The following SMAP1 variants were observed in gnomAD, a reference collection of about 807,000 sequenced individuals.
SMAP1 encodes the protein stromal membrane-associated protein 1.
SMAP1 carries 24 observed loss-of-function variants against 58.5 expected under a neutral mutation model. The observed-to-expected ratio is 0.41, with a 90% CI of 0.30 to 0.58. The LOEUF (loss-of-function observed/expected upper bound fraction) is 0.58. SMAP1 is among the 20% of genes least tolerant of loss of function. The probability of loss-of-function intolerance (pLI) is 0.29; values close to 1 mark genes in which losing one functional copy is unlikely to be tolerated. For missense variants in SMAP1, 563 were observed against 566.3 expected (o/e 0.99, Z 0.06); for synonymous variants, 216 against 196.6 (o/e 1.10, Z -0.82).
At chr6:70,692,930 C>A (rs1217050927) in intron 1 of SMAP1, among the ~76,000 whole-genome samples, 1 of 151,830 alleles carries the variant, frequency 6.6e-6, no homozygotes, top group Non-Finnish European at 1.5e-5. Flanking sequence ...ACTACAGGTG[C>A]CCACTACCAT....
chr6:70,825,544 A>T (rs190292532), intron 6 of SMAP1, among the ~76,000 whole-genome samples: 38 of 152,126 alleles, frequency 2.5e-4, no homozygotes, highest in African/African-American at 8.9e-4. Flanking sequence ...TACTGCTTTT[A>T]AAAAAAATCT....
intron 6 of SMAP1, among the ~76,000 whole-genome samples, chr6:70,827,760 C>T (rs1174628136): frequency 6.6e-6 from 1 of 152,170 alleles, no homozygotes; most frequent in Non-Finnish European, 1.5e-5. Flanking sequence ...GATAACTTCT[C>T]CAGCCCAGTG....
At chr6:70,708,177 T>G (rs928981393) in intron 1 of SMAP1, among the ~76,000 whole-genome samples, 1 of 152,224 alleles carries the variant, frequency 6.6e-6, no homozygotes, top group Admixed American at 6.5e-5. Context: ...TTCTGTTTAC[T>G]TTTCTCCCTA....
At chr6:70,700,711 T>TG (rs1426805302) in intron 1 of SMAP1, among the ~76,000 whole-genome samples, 1 of 152,146 alleles carries the variant, frequency 6.6e-6, no homozygotes, top group Non-Finnish European at 1.5e-5. Flanking sequence ...GTGAACATGG[T>TG]GGGTCATGCT....
chr6:70,849,323 T>C (rs959792369), intron 7 of SMAP1, among the ~76,000 whole-genome samples: 1 of 152,210 alleles, frequency 6.6e-6, no homozygotes, highest in East Asian at 1.9e-4. Flanking sequence ...ATTGACTTCA[T>C]GACAGCTCCA....
intron 1 of SMAP1, among the ~76,000 whole-genome samples, chr6:70,716,611 T>C (rs1768279042): frequency 6.6e-6 from 1 of 152,140 alleles, no homozygotes; most frequent in African/African-American, 2.4e-5. Flanking sequence ...TGACCTGTCT[T>C]GGAGTTCACT....
intron 6 of SMAP1, among the ~76,000 whole-genome samples, chr6:70,831,275 C>A (rs1348089374): frequency 6.6e-6 from 1 of 151,572 alleles, no homozygotes; most frequent in Non-Finnish European, 1.5e-5. Flanking sequence ...TTTTTTTTAA[C>A]TTTTATTCTA....
chr6:70,845,002 G>A (rs776089805), intron 7 of SMAP1, among the ~76,000 whole-genome samples: 4 of 152,226 alleles, frequency 2.6e-5, no homozygotes, highest in East Asian at 3.9e-4. Context: ...TTATGATGAC[G>A]CTTCACTAGT....
intron 1 of SMAP1, among the ~76,000 whole-genome samples, chr6:70,721,573 A>G (rs1427031688): frequency 2.0e-5 from 3 of 152,070 alleles, no homozygotes; most frequent in African/African-American, 7.2e-5. Context: ...AGTTGCTTCC[A>G]CATTTTTGGG....
chr6:70,793,573 A>G (rs987772983), intron 5 of SMAP1, among the ~76,000 whole-genome samples: 8 of 151,504 alleles, frequency 5.3e-5, no homozygotes, highest in African/African-American at 1.9e-4. Context: ...ACTGTGGAAC[A>G]TTGAGGTGTT....
At chr6:70,683,677 A>G (rs1766819101) in intron 1 of SMAP1, among the ~76,000 whole-genome samples, 1 of 152,158 alleles carries the variant, frequency 6.6e-6, no homozygotes, top group Admixed American at 6.5e-5. Flanking sequence ...TAAGACCGTG[A>G]ATAAGTGGGT....
chr6:70,805,434 G>A (rs920590222), intron 6 of SMAP1, among the ~76,000 whole-genome samples: 2 of 152,048 alleles, frequency 1.3e-5, no homozygotes, highest in African/African-American at 2.4e-5. Flanking sequence ...ACTTCCTTGC[G>A]ATGGGTTAGA....
chr6:70,829,411 T>C (rs1770269945), intron 6 of SMAP1, among the ~76,000 whole-genome samples: 1 of 152,134 alleles, frequency 6.6e-6, no homozygotes, highest in Admixed American at 6.6e-5. Flanking sequence ...CCTGGCATGA[T>C]TTTTTTAAAT....
intron 6 of SMAP1, among the ~76,000 whole-genome samples, chr6:70,803,716 A>G (rs561197386): frequency 1.2e-4 from 18 of 152,322 alleles, no homozygotes; most frequent in African/African-American, 4.1e-4. Flanking sequence ...ATTGGTTTCA[A>G]AGAACATCGT....
chr6:70,838,567 A>G (rs1051237862), intron 7 of SMAP1, among the ~76,000 whole-genome samples: 4 of 152,222 alleles, frequency 2.6e-5, no homozygotes, highest in African/African-American at 7.2e-5. Context: ...AAAGAGGTGA[A>G]GAAGGTCTGG....
intron 1 of SMAP1, among the ~76,000 whole-genome samples, chr6:70,675,784 G>C (rs1213301422): frequency 1.3e-5 from 2 of 152,186 alleles, no homozygotes; most frequent in Non-Finnish European, 1.5e-5. Context: ...GTGGAGAAAA[G>C]AGTTAACAAA....
chr6:70,748,034 A>G (rs10498877), intron 2 of SMAP1, among the ~76,000 whole-genome samples: 3,569 of 152,290 alleles, frequency 0.023, 51 homozygotes, highest in Non-Finnish European at 0.037. Flanking sequence ...CTCTGTATTA[A>G]ATATTTCCAA....
rs747295433 is a variant in SMAP1, at chr6:70,858,065, G to C, written c.1105G>C (p.Gly369Arg). Residue 369 changes from glycine (G) to arginine (R), a missense_variant, in exon 10 of 11, where the codon GGC (glycine) becomes CGC (arginine). By Grantham distance (125) the Gly-to-Arg change is moderately radical. Transcript: ENST00000370455. The stretch of plus-strand genomic sequence containing the variant: ...GGGACAGAGTCCAAGCATGATGGTG[G>C]GCATGCCCATGCCCAATGGGTTTAT... ...VMGQSPSMMV[G>R]MPMPNGFMGN... 1 of 1,614,034 alleles carries C rather than the reference G, an allele frequency of 6.2e-7. No individual in the cohort carries two copies. The highest frequency in any genetic ancestry group is 8.5e-7 in the Non-Finnish European group (1 of 1,180,006).
chr6:70,741,154 A>G (rs969167762), intron 2 of SMAP1, among the ~76,000 whole-genome samples: 1 of 152,098 alleles, frequency 6.6e-6, no homozygotes, highest in African/African-American at 2.4e-5. Flanking sequence ...TGCAAAACCA[A>G]TCATGCCTTC....
Sources: allele counts gnomAD v4.1 joint callset (sites outside exome capture counted in the v4.1 genomes callset), GRCh38; gene constraint gnomAD v4.1.1; transcripts MANE v1.5; gene names NCBI Gene and HGNC (gene_info 2026-07-23, HGNC 2026-07-21).